Variants in ATP8B4 observed in about 807,000 individuals in gnomAD.
The protein encoded by ATP8B4 is probable phospholipid-transporting ATPase IM.
Under a neutral mutation model 145.6 loss-of-function variants are expected in ATP8B4, and 133 were observed. The observed-to-expected ratio is 0.91, with a 90% confidence interval of 0.79 to 1.05. ATP8B4 has a LOEUF of 1.05. ATP8B4 is among the 50% of genes least tolerant of loss of function. The probability of loss-of-function intolerance (pLI) is 0.00; values close to 1 mark genes in which losing one functional copy is unlikely to be tolerated. For synonymous variants in ATP8B4, 507 were observed against 492.9 expected, an observed-to-expected ratio of 1.03 and a Z score of -0.38; for missense variants, 1,458 against 1,425.2, an observed-to-expected ratio of 1.02 and a Z score of -0.37.
Position 49,860,286 on chromosome 15 carries a change from G to C in ATP8B4, c.3487C>G (p.His1163Asp). 1.2e-6 allele frequency: 2 copies of C among 1,614,168 alleles called. No individual in the cohort carries two copies. Among genetic ancestry groups the C allele is most frequent in the East Asian group, 2.2e-5 (1 of 44,880 alleles). ...PPPTSGLEKT[H>D]YNSTSWIENL... ...TCAATCCAGCTAGTGCTATTATAAT[G>C]TGTCTTTTCCAGCCCTGATGTTGGG... The change falls in exon 28 of 28, where the codon CAT becomes GAT. Residue 1163 changes from histidine (H) to aspartate (D), a missense_variant. By Grantham distance (81) the His-to-Asp change is moderately conservative. Transcript: ENST00000284509.
At position 50,038,807 on chromosome 15, in the gene ATP8B4, T is replaced by C. The variant is rs1021020084; in HGVS notation, c.323A>G (p.Gln108Arg). The C allele has an allele frequency of 1.5e-5, 24 of 1,613,750 alleles. No homozygotes were observed. Among genetic ancestry groups the C allele is most frequent in the Non-Finnish European group, 1.9e-5 (22 of 1,179,680 alleles). Reference protein sequence around the residue: ...DDYFRHKSDNQVNNRQSEVLI... With the variant: ...DDYFRHKSDNRVNNRQSEVLI... ...CACTTCAGACTGCCGATTATTCACT[T>C]GATTATCACTCTTGTGGCGAAACTG... The change falls in exon 6 of 28, where the codon CAA becomes CGA. Residue 108 changes from glutamine (Q) to arginine (R), a missense_variant. Physicochemically the swap from Gln to Arg is conservative, Grantham distance 43 (BLOSUM62 1). Transcript: ENST00000284509.
intron 2 of ATP8B4, among the ~76,000 whole-genome samples, chr15:50,105,695 G>T (rs971824539): frequency 1.3e-5 from 2 of 152,050 alleles, no homozygotes; most frequent in African/African-American, 4.8e-5. Flanking sequence ...CATGATTACA[G>T]CGACTTATGC....
chr15:49,907,439 CT>C (rs1468543597), intron 20 of ATP8B4, among the ~76,000 whole-genome samples: 6 of 152,324 alleles, frequency 3.9e-5, no homozygotes, highest in African/African-American at 1.2e-4. Flanking sequence ...TTATTCTACC[CT>C]TTCCTTCCCC....
intron 1 of ATP8B4, among the ~76,000 whole-genome samples, chr15:50,148,082 T>C (rs946540307): frequency 6.6e-6 from 1 of 152,178 alleles, no homozygotes; most frequent in African/African-American, 2.4e-5. Context: ...AGATGCCTCC[T>C]GGTCTGACAC....
chr15:49,967,843 T>C (rs534503909), intron 13 of ATP8B4, among the ~76,000 whole-genome samples: 1 of 152,114 alleles, frequency 6.6e-6, no homozygotes, highest in East Asian at 1.9e-4. Flanking sequence ...AAGGTTGAAA[T>C]GAAGGAAAAA....
chr15:50,174,234 A>G (rs1244313544), intron 1 of ATP8B4, among the ~76,000 whole-genome samples: 1 of 152,192 alleles, frequency 6.6e-6, no homozygotes, highest in Non-Finnish European at 1.5e-5. Flanking sequence ...GAACTGGAAC[A>G]AGACAAGGAT....
At chr15:50,172,315 G>C (rs149974306) in intron 1 of ATP8B4, among the ~76,000 whole-genome samples, 27 of 152,362 alleles carry the variant, frequency 1.8e-4, no homozygotes, top group African/African-American at 5.8e-4. Context: ...ACTGGTTTTC[G>C]TATTTTTTGG....
chr15:49,988,475 G>A (rs534977864), intron 9 of ATP8B4, among the ~76,000 whole-genome samples: 3 of 152,216 alleles, frequency 2.0e-5, no homozygotes, highest in African/African-American at 7.2e-5. Flanking sequence ...AAAAAAGAGA[G>A]GGGAGATATG....
chr15:49,873,552 A>AT (rs1407599984), intron 25 of ATP8B4, among the ~76,000 whole-genome samples: 3 of 152,028 alleles, frequency 2.0e-5, no homozygotes, highest in Admixed American at 1.3e-4. Context: ...TCCGATTTCC[A>AT]TTTTTTTCAT....
intron 2 of ATP8B4, among the ~76,000 whole-genome samples, chr15:50,105,687 T>C (rs1023023169): frequency 6.6e-6 from 1 of 152,340 alleles, no homozygotes; most frequent in East Asian, 1.9e-4. Flanking sequence ...CTAGGTGGCA[T>C]GATTACAGCG....
rs756665175 is a variant in ATP8B4, at chr15:50,059,941, A to T, written c.88-12477T>A. 8.5e-5 allele frequency among the ~76,000 whole-genome samples: 13 copies of T among 152,276 alleles called. No homozygotes were observed. The South Asian group carries it at 2.5e-3, about 29-fold the overall frequency. ...GAAACTGGTTTTCCCCAAATGGTTA[A>T]TATTTCTTGGTATATAACTCCACAA... On this transcript the variant is annotated intron_variant, in intron 3 of 27. Coordinates refer to ENST00000284509, the MANE Select transcript of ATP8B4 (RefSeq NM_024837.4).
In ATP8B4 at chr15:49,864,472, T is replaced by C. The variant is rs114955551; in HGVS notation, c.3166+1874A>G. 6.6e-3 allele frequency among the ~76,000 whole-genome samples: 1,004 copies of C among 152,340 alleles called. 10 individuals are homozygous for C. Among genetic ancestry groups the C allele is most frequent in the African/African-American group, 0.023 (973 of 41,576 alleles). On this transcript the variant is annotated intron_variant, in intron 26 of 27. Coordinates refer to ENST00000284509, the MANE Select transcript of ATP8B4 (RefSeq NM_024837.4). ...ATCTCTCTTTTCCAGTTTGTTTAGA[T>C]GAACTCGGTTAGCAGCTTATTTCAC...
chr15:49,910,280 T>C lies in ATP8B4; in HGVS notation c.2141+6654A>G, dbSNP rs376161345. Among the ~76,000 whole-genome samples, 29 of 152,180 alleles carry C rather than the reference T, an allele frequency of 1.9e-4. 1 individual carries two copies. In the South Asian group the frequency reaches 5.8e-3, roughly 30 times the overall value. On this transcript the variant is annotated intron_variant, in intron 20 of 27. Coordinates refer to ENST00000284509, the MANE Select transcript of ATP8B4 (RefSeq NM_024837.4). ...GAATTTCAGAAGAAGACAGGTCTCT[T>C]GAAATAACCCAAACAAAAGTAAAAC...
chr15:49,917,068 A>G, intron 19 of ATP8B4, 29 bp from the exon 20 acceptor site: 2 of 1,599,594 alleles, frequency 1.3e-6, no homozygotes. Context: ...CAATTCAGTT[A>G]AAATGTTACT....
chr15:50,001,892 A>T (rs556867700), intron 8 of ATP8B4, among the ~76,000 whole-genome samples: 18 of 152,266 alleles, frequency 1.2e-4, no homozygotes, highest in Admixed American at 9.8e-4. Context: ...AACTTTTTTT[A>T]AAAAATCTAA....
upstream of ATP8B4, among the ~76,000 whole-genome samples, chr15:50,120,024 G>A (rs567061238): frequency 5.9e-5 from 9 of 152,142 alleles, no homozygotes; most frequent in East Asian, 1.9e-4. Flanking sequence ...ATATTTTGGT[G>A]CATATCTATT....
chr15:49,913,193 T>C (rs933360812), intron 20 of ATP8B4, among the ~76,000 whole-genome samples: 1 of 150,976 alleles, frequency 6.6e-6, no homozygotes, highest in Non-Finnish European at 1.5e-5. Flanking sequence ...CACGATCAAG[T>C]GAAATTTATC....
chr15:49,880,262 G>C (rs1213703658), intron 23 of ATP8B4: 1 of 152,240 alleles, frequency 6.6e-6, no homozygotes, highest in Non-Finnish European at 1.5e-5. Context: ...TCACTGAGAA[G>C]TGAATTTGAG....
intron 13 of ATP8B4, among the ~76,000 whole-genome samples, chr15:49,966,836 A>G (rs1020016568): frequency 1.2e-4 from 19 of 152,340 alleles, no homozygotes; most frequent in African/African-American, 4.6e-4. Context: ...GACATCTCCC[A>G]GCGGAGGTCG....
Sources: gnomAD v4.1 joint callset for allele counts (sites outside exome capture counted in the v4.1 genomes callset) on GRCh38, gnomAD v4.1.1 for gene constraint, MANE v1.5 for transcripts, NCBI Gene and HGNC (gene_info 2026-07-23, HGNC 2026-07-21) for gene names.